Variants in TTC34 observed in about 807,000 individuals in gnomAD.
The protein encoded by TTC34 is tetratricopeptide repeat domain 34.
A neutral mutation model predicts 40.7 loss-of-function variants in TTC34; 44 were observed. The observed-to-expected ratio is 1.08, with a 90% CI of 0.85 to 1.39. TTC34 has a LOEUF of 1.39. Among genes scored for constraint, TTC34 ranks in the 40% most tolerant of loss-of-function variants. The pLI is 0.00. For missense variants in TTC34, 884 were observed against 838.0 expected (o/e 1.05, Z -0.68); for synonymous variants, 422 against 398.6 (o/e 1.06, Z -0.70).
chr1:2,644,979 AAAC>A (rs1204315510), intron 7 of TTC34, among the ~76,000 whole-genome samples: 3 of 152,298 alleles, frequency 2.0e-5, no homozygotes, highest in Non-Finnish European at 4.4e-5. Context: ...GGTGCCCGAG[AAAC>A]AACGACTGGA....
At chr1:2,650,091 A>G (rs545035752) in intron 6 of TTC34, among the ~76,000 whole-genome samples, 7 of 150,912 alleles carry the variant, frequency 4.6e-5, no homozygotes, top group African/African-American at 1.7e-4. Context: ...GGCACTCTGC[A>G]TCCCCAGGTG....
At chr1:2,647,393 G>A (rs554470288) in intron 6 of TTC34, among the ~76,000 whole-genome samples, 10 of 152,272 alleles carry the variant, frequency 6.6e-5, no homozygotes, top group African/African-American at 2.2e-4. Context: ...GGGAGGCTGA[G>A]GTGGGCAGAT....
At chr1:2,759,688 T>TGA (rs1641629194) in intron 6 of TTC34, among the ~76,000 whole-genome samples, 88 of 30,210 alleles carry the variant, frequency 2.9e-3, no homozygotes, top group East Asian at 4.2e-3. Context: ...ACCCCAGGCT[T>TGA]GCATCCGACA....
At position 2,799,225 on chromosome 1, in the gene TTC34, T is replaced by C. The variant is rs568766650; in HGVS notation, c.784+819A>G. Among the ~76,000 whole-genome samples the C allele has an allele frequency of 2.0e-4, 30 of 152,286 alleles. No individual in the cohort carries two copies. The South Asian group carries it at 6.2e-3, about 32-fold the overall frequency. On this transcript the variant is annotated intron_variant, in intron 2 of 8. Transcript: ENST00000401095. ...TGGTTCCTCTGGCACATTTTGCACATGGCAGCCAGAGGAAAGTTTAAAAAT... is the reference window on the plus strand; with the variant it reads ...TGGTTCCTCTGGCACATTTTGCACACGGCAGCCAGAGGAAAGTTTAAAAAT...
intron 6 of TTC34, among the ~76,000 whole-genome samples, chr1:2,757,308 C>A (rs1238879809): frequency 1.5e-5 from 2 of 137,092 alleles, no homozygotes; most frequent in Admixed American, 7.3e-5. Flanking sequence ...AGCACCCACA[C>A]CCCCAGGCGA....
chr1:2,681,628 C>T (rs1177070431), intron 6 of TTC34, among the ~76,000 whole-genome samples: 4 of 74,136 alleles, frequency 5.4e-5, no homozygotes, highest in African/African-American at 1.4e-4. Context: ...AGCCACACCC[C>T]CAGCGAGCAC....
chr1:2,755,955 G>C lies in TTC34; in HGVS notation c.2226+27654C>G, dbSNP rs1641491114. Among the ~76,000 whole-genome samples, 4 of 79,608 alleles carry C rather than the reference G, an allele frequency of 5.0e-5. 1 individual carries two copies. Among genetic ancestry groups the C allele is most frequent in the Admixed American group, 1.1e-4 (1 of 8,826 alleles). 52.2% of individuals were successfully genotyped at this position (79,608 alleles called of 152,430 possible). A position where few individuals can be genotyped will look rare whatever the true frequency, so the allele number is the denominator to read the frequency against. On this transcript the variant is annotated intron_variant, in intron 6 of 8. Transcript: ENST00000401095. ...AGCAGCACCCTGCACCCCCAGGTGA[G>C]GATCTGACAGCCTGGAACAGCACCC...
At chr1:2,779,717 A>G (rs1468594729) in intron 6 of TTC34, among the ~76,000 whole-genome samples, 4 of 152,170 alleles carry the variant, frequency 2.6e-5, no homozygotes, top group African/African-American at 9.7e-5. Context: ...AGAAGGTTCC[A>G]GTTTCTTCAC....
chr1:2,695,856 G>C (rs1267304912), intron 6 of TTC34, among the ~76,000 whole-genome samples: 268 of 137,386 alleles, frequency 2.0e-3, no homozygotes, highest in African/African-American at 3.4e-3. Context: ...ACATCCGACA[G>C]CCTGGAGCAG....
At position 2,641,933 on chromosome 1, in the gene TTC34, G is replaced by T. The variant is rs1195517110; in HGVS notation, c.2713-38C>A. On this transcript the variant is annotated intron_variant, in intron 8 of 8. Transcript: ENST00000401095. The stretch of plus-strand genomic sequence containing the variant: ...CACAGAGAGAGGCAGGGAGAGTGGG[G>T]TCAGCCCCAAAAGCCCGGCCGCCCC... 3 of 1,437,490 alleles carry T rather than the reference G, an allele frequency of 2.1e-6. No homozygotes were observed. In the African/African-American group the frequency reaches 4.3e-5, roughly 21 times the overall value. The allele number at this position is 1,437,490 out of a possible 1,614,324, so 89.0% of individuals were successfully genotyped here.
At chr1:2,749,096 C>CTGATAT (rs1641235880) in intron 6 of TTC34, among the ~76,000 whole-genome samples, 1 of 139,246 alleles carries the variant, frequency 7.2e-6, no homozygotes, top group Non-Finnish European at 1.5e-5. Flanking sequence ...AGGCGAGCAT[C>CTGATAT]CGACAGCCTG....
chr1:2,683,126 T>G (rs1297486631), intron 6 of TTC34, among the ~76,000 whole-genome samples: 1 of 112,100 alleles, frequency 8.9e-6, no homozygotes, highest in Non-Finnish European at 2.0e-5. Context: ...GGTGAGCATT[T>G]GACAGCCTGG....
At chr1:2,777,830 C>T (rs955275529) in intron 6 of TTC34, among the ~76,000 whole-genome samples, 21 of 152,190 alleles carry the variant, frequency 1.4e-4, no homozygotes, top group Admixed American at 2.6e-4. Context: ...TCTGGTCCTG[C>T]GGCCCTGGAC....
intron 6 of TTC34, among the ~76,000 whole-genome samples, chr1:2,751,439 G>T (rs1443353268): frequency 1.1e-4 from 2 of 18,800 alleles, no homozygotes; most frequent in African/African-American, 5.1e-4. Context: ...CTGGAACAGA[G>T]CCCAGACCCC....
chr1:2,647,067 G>A (rs1317884935), intron 6 of TTC34, among the ~76,000 whole-genome samples: 1 of 152,132 alleles, frequency 6.6e-6, no homozygotes, highest in East Asian at 1.9e-4. Flanking sequence ...CCCTCTGGTT[G>A]CTTTTAAGAT....
At chr1:2,767,934 G>T (rs1284254126) in intron 6 of TTC34, among the ~76,000 whole-genome samples, 1 of 150,044 alleles carries the variant, frequency 6.7e-6, no homozygotes, top group African/African-American at 2.4e-5. Context: ...CACACCCCAA[G>T]GTGGGCATCC....
chr1:2,698,935 GGTGAGCATCTGACAGCCTGGAACAT>G (rs1402299526), intron 6 of TTC34, among the ~76,000 whole-genome samples: 265 of 138,202 alleles, frequency 1.9e-3, no homozygotes, highest in Non-Finnish European at 2.9e-3. Context: ...TGCACCCTCA[GGTGAGCATCTGACAGCCTGGAACAT>G]CACCCTGCCC....
At chr1:2,692,620 C>CT (rs1640676845) in intron 6 of TTC34, among the ~76,000 whole-genome samples, 2 of 125,546 alleles carry the variant, frequency 1.6e-5, no homozygotes, top group African/African-American at 6.1e-5. Context: ...GAACAGCACC[C>CT]ACACCCCCAG....
chr1:2,686,510 AG>A (rs1640356188), intron 6 of TTC34, among the ~76,000 whole-genome samples: 1 of 99,366 alleles, frequency 1.0e-5, no homozygotes, highest in Non-Finnish European at 1.9e-5. Context: ...AGCCTCGAAC[AG>A]CACCCTGCAC....
Sources: allele counts gnomAD v4.1 joint callset (sites outside exome capture counted in the v4.1 genomes callset), GRCh38; gene constraint gnomAD v4.1.1; transcripts MANE v1.5; gene names NCBI Gene and HGNC (gene_info 2026-07-23, HGNC 2026-07-21).